Variants in GALNT14 observed in about 807,000 individuals in gnomAD.
GALNT14 encodes UDP-GalNAc:polypeptide N-acetylgalactosaminyltransferase 14.
Under a neutral mutation model 77.5 loss-of-function variants are expected in GALNT14, and 60 were observed. The ratio of observed to expected loss-of-function variants is 0.77; its 90% CI spans 0.63 to 0.96. The LOEUF (loss-of-function observed/expected upper bound fraction) is 0.96, where lower values mean the gene tolerates loss of function less well. Ranked by LOEUF, GALNT14 falls within the 40% of genes least tolerant of loss-of-function variation. The pLI is 0.00. For synonymous variants in GALNT14, 280 were observed against 281.7 expected (o/e 0.99, Z 0.06); for missense variants, 710 against 731.0 (o/e 0.97, Z 0.33).
At chr2:30,913,038 T>C (rs2148199273) in intron 13 of GALNT14, among the ~76,000 whole-genome samples, 1 of 152,248 alleles carries the variant, frequency 6.6e-6, no homozygotes, top group South Asian at 2.1e-4. Context: ...CAGAGTTCTG[T>C]TGGCATCAGG....
At chr2:31,033,696 C>A (rs531500779) in intron 1 of GALNT14, among the ~76,000 whole-genome samples, 1 of 152,096 alleles carries the variant, frequency 6.6e-6, no homozygotes, top group Non-Finnish European at 1.5e-5. Context: ...ACTTCTCCAG[C>A]GAGTGAGTCT....
chr2:30,976,857 C>A (rs1053431454), intron 2 of GALNT14, among the ~76,000 whole-genome samples: 6 of 152,100 alleles, frequency 3.9e-5, no homozygotes, highest in African/African-American at 7.2e-5. Flanking sequence ...CTCAGGTATT[C>A]TTCCCAGAGC....
Position 31,129,369 on chromosome 2 carries a change from G to A in GALNT14, c.129+8589C>T, listed in dbSNP as rs533341758. The stretch of plus-strand genomic sequence containing the variant: ...ATCACACCAAGTGGTGGGGAAAAAA[G>A]CTACCTCTTATCTTCTTTTCCTGAT... On this transcript the variant is annotated intron_variant, in intron 1 of 14. Transcript: ENST00000349752. The A allele has an allele frequency of 3.7e-4, 365 of 985,310 alleles. 2 individuals are homozygous for A. The African/African-American group carries it at 5.8e-3, about 16-fold the overall frequency. 61.0% of individuals were successfully genotyped at this position (985,310 alleles called of 1,614,324 possible). A position where few individuals can be genotyped will look rare whatever the true frequency, so the allele number is the denominator to read the frequency against.
chr2:30,972,117 A>T (rs1668391551), intron 2 of GALNT14, among the ~76,000 whole-genome samples: 1 of 152,242 alleles, frequency 6.6e-6, no homozygotes, highest in Non-Finnish European at 1.5e-5. Context: ...GCATGAAACC[A>T]GGAGGGAGTG....
chr2:30,897,319 G>A, the GALNT14 span, among the ~76,000 whole-genome samples: 21 of 152,262 alleles, frequency 1.4e-4, no homozygotes, highest in African/African-American at 5.1e-4. Flanking sequence ...CCTGCCCCCG[G>A]TTTGGCAAGA....
chr2:30,924,655 G>T, intron 12 of GALNT14, 85 bp downstream of exon 12: 1 of 1,128,764 alleles, frequency 8.9e-7, no homozygotes, highest in Non-Finnish European at 1.3e-6. Context: ...CATCCAGTTG[G>T]TCATTGTCTG....
rs759415300 is a variant in GALNT14 at position 30,958,387 on chromosome 2, C to T, written c.466+10G>A. On this transcript the variant is annotated intron_variant, in intron 4 of 14. Coordinates refer to ENST00000349752, the MANE Select transcript of GALNT14 (RefSeq NM_024572.4). ...TCGTGTCTAAAGAGCAAGTGAGCAACATGACTTACGGTCATTGCTGAAGTC... is the reference window on the plus strand; with the variant it reads ...TCGTGTCTAAAGAGCAAGTGAGCAATATGACTTACGGTCATTGCTGAAGTC... The T allele has an allele frequency of 5.0e-6, 8 of 1,611,712 alleles. No individual in the cohort carries two copies. The highest frequency in any genetic ancestry group is 6.8e-6 in the Non-Finnish European group (8 of 1,177,870).
intron 13 of GALNT14, among the ~76,000 whole-genome samples, chr2:30,922,467 G>A (rs1572970360): frequency 1.3e-5 from 2 of 152,312 alleles, no homozygotes; most frequent in East Asian, 1.9e-4. Context: ...ACCGTCTGCT[G>A]CTCCTTCCCC....
chr2:31,108,441 C>A (rs1677671722), intron 1 of GALNT14, among the ~76,000 whole-genome samples: 1 of 152,180 alleles, frequency 6.6e-6, no homozygotes, highest in East Asian at 1.9e-4. Context: ...CTCTAGAAGA[C>A]CTAACCCAGT....
intron 13 of GALNT14, among the ~76,000 whole-genome samples, chr2:30,919,000 G>C (rs953361698): frequency 1.3e-5 from 2 of 152,156 alleles, no homozygotes; most frequent in African/African-American, 4.8e-5. Flanking sequence ...ATCTTCACCT[G>C]CCCACCCAGG....
rs1246406261 is a variant in GALNT14 at position 30,924,740 on chromosome 2, C to A, written c.1235G>T (p.Ser412Ile). 6.2e-7 allele frequency: 1 copy of A among 1,613,838 alleles called. No individual in the cohort carries two copies. Among genetic ancestry groups the A allele is most frequent in the East Asian group, 2.2e-5 (1 of 44,884 alleles). ...AAGCTCCAACAGGTAGGACGGATAC[C>A]TGAGTTCAGGGTAGATATTCTCCAG... The part of the protein sequence containing the change: ...WYLENIYPEL[S>I]IPKESSIQKG... Residue 412 changes from serine (S) to isoleucine (I), a missense_variant and splice_region_variant, in exon 12 of 15, where the codon AGC becomes ATC. Ser to Ile is a moderately radical substitution (Grantham distance 142). Transcript: ENST00000349752.
At chr2:30,937,711 C>G (rs1407426641) in intron 9 of GALNT14, among the ~76,000 whole-genome samples, 3 of 152,146 alleles carry the variant, frequency 2.0e-5, no homozygotes, top group African/African-American at 7.2e-5. Context: ...CTCAGAAAAG[C>G]CAGGATAATC....
At chr2:30,989,741 T>C (rs921696406) in intron 2 of GALNT14, among the ~76,000 whole-genome samples, 1 of 145,776 alleles carries the variant, frequency 6.9e-6, no homozygotes, top group African/African-American at 2.5e-5. Context: ...TATTTGATCT[T>C]TATAAAAACT....
chr2:30,909,653 G>A (rs956834587), downstream of GALNT14, among the ~76,000 whole-genome samples: 6 of 151,874 alleles, frequency 4.0e-5, no homozygotes, highest in Admixed American at 6.6e-5. Flanking sequence ...TCAGTGTGGC[G>A]ATTCCTCAGG....
At chr2:30,987,501 G>A (rs187157464) in intron 2 of GALNT14, among the ~76,000 whole-genome samples, 11 of 152,248 alleles carry the variant, frequency 7.2e-5, no homozygotes, top group East Asian at 1.9e-4. Context: ...GTAAAATACC[G>A]TGGACTTCAC....
chr2:31,078,683 G>C (rs776963423), intron 1 of GALNT14, among the ~76,000 whole-genome samples: 7 of 152,184 alleles, frequency 4.6e-5, no homozygotes, highest in Non-Finnish European at 1.5e-5. Context: ...GGAGCTCTCA[G>C]GCCCCGGGGC....
intron 1 of GALNT14, among the ~76,000 whole-genome samples, chr2:31,081,658 C>G (rs1676163033): frequency 6.6e-6 from 1 of 152,168 alleles, no homozygotes; most frequent in South Asian, 2.1e-4. Flanking sequence ...AGTCACCACT[C>G]AAGACTCAGA....
At chr2:30,986,284 G>A (rs1260259627) in intron 2 of GALNT14, among the ~76,000 whole-genome samples, 1 of 152,174 alleles carries the variant, frequency 6.6e-6, no homozygotes, top group African/African-American at 2.4e-5. Flanking sequence ...CCAGCCCATG[G>A]CTCACGAGCT....
At chr2:31,123,902 A>T (rs75225945) in intron 1 of GALNT14, among the ~76,000 whole-genome samples, 16,208 of 152,196 alleles carry the variant, frequency 0.11, 1,044 homozygotes, top group Middle Eastern at 0.22. Context: ...TCCACCATTA[A>T]ACAGCATCCC....
Sources: gnomAD v4.1 joint callset for allele counts (sites outside exome capture counted in the v4.1 genomes callset) on GRCh38, gnomAD v4.1.1 for gene constraint, MANE v1.5 for transcripts, NCBI Gene and HGNC (gene_info 2026-07-23, HGNC 2026-07-21) for gene names.